TBC1D22A: variants seen among roughly 807,000 people sequenced by gnomAD.
The protein encoded by TBC1D22A is putative GTPase activator.
In TBC1D22A, 38 loss-of-function variants were observed where a neutral mutation model predicts 60.2. The observed-to-expected ratio is 0.63, with a 90% CI of 0.49 to 0.83. TBC1D22A has a LOEUF of 0.83. TBC1D22A is among the 40% of genes least tolerant of loss of function. The pLI, the probability that TBC1D22A is intolerant of heterozygous loss-of-function variation, is 0.00. For synonymous variants in TBC1D22A, 302 were observed against 281.7 expected, an observed-to-expected ratio of 1.07 and a Z score of -0.72; for missense variants, 628 against 701.0, an observed-to-expected ratio of 0.90 and a Z score of 1.18.
At chr22:46,843,965 G>A (rs2086884439) in intron 4 of TBC1D22A, among the ~76,000 whole-genome samples, 1 of 151,820 alleles carries the variant, frequency 6.6e-6, no homozygotes, top group Admixed American at 6.6e-5. Context: ...ATTTGGGATG[G>A]GGTCAGGACA....
chr22:46,931,723 T>G (rs752382062), intron 8 of TBC1D22A, among the ~76,000 whole-genome samples: 16 of 152,222 alleles, frequency 1.1e-4, no homozygotes, highest in Non-Finnish European at 1.9e-4. Flanking sequence ...AGAAATTTCA[T>G]GGACTCTCTT....
intron 8 of TBC1D22A, among the ~76,000 whole-genome samples, chr22:46,973,488 A>G (rs2074161712): frequency 6.6e-6 from 1 of 152,184 alleles, no homozygotes; most frequent in South Asian, 2.1e-4. Context: ...ACCTTTCTAC[A>G]TATATTCTGG....
At chr22:46,815,606 G>C (rs1226125633) in intron 4 of TBC1D22A, among the ~76,000 whole-genome samples, 1 of 152,196 alleles carries the variant, frequency 6.6e-6, no homozygotes, top group Non-Finnish European at 1.5e-5. Context: ...CATGAATTCA[G>C]TCATTTGCTC....
chr22:46,798,845 G>A (rs890797164), intron 4 of TBC1D22A, among the ~76,000 whole-genome samples: 2 of 152,228 alleles, frequency 1.3e-5, no homozygotes, highest in Non-Finnish European at 2.9e-5. Context: ...GGCCATATAG[G>A]AGCTTGCAGC....
chr22:46,866,371 C>G (rs751370175), intron 4 of TBC1D22A, among the ~76,000 whole-genome samples: 32 of 152,290 alleles, frequency 2.1e-4, no homozygotes, highest in South Asian at 1.5e-3. Context: ...TCCCAAAGTG[C>G]TGGGATTACA....
At chr22:47,071,120 A>G (rs8135774) in intron 11 of TBC1D22A, among the ~76,000 whole-genome samples, 28,195 of 152,258 alleles carry the variant, frequency 0.19, 3,215 homozygotes, top group African/African-American at 0.32. Context: ...CTTTTTAATG[A>G]GCAACTGAAA....
chr22:46,881,816 C>A (rs1039003550), intron 5 of TBC1D22A, among the ~76,000 whole-genome samples: 1 of 152,224 alleles, frequency 6.6e-6, no homozygotes, highest in African/African-American at 2.4e-5. Context: ...ATTTGCCATG[C>A]TCCATGCCCT....
chr22:47,074,962 G>A (rs1211971198), intron 11 of TBC1D22A, among the ~76,000 whole-genome samples: 4 of 152,208 alleles, frequency 2.6e-5, no homozygotes, highest in African/African-American at 7.2e-5. Context: ...GGTGGCTCAC[G>A]CCTGTAATCC....
chr22:46,796,519 G>C (rs1356383152), intron 3 of TBC1D22A, among the ~76,000 whole-genome samples: 4 of 152,066 alleles, frequency 2.6e-5, no homozygotes, highest in Admixed American at 6.6e-5. Context: ...AAATGAGATA[G>C]CTAGACAGGA....
rs1569353323 is a variant in TBC1D22A at position 47,026,489 on chromosome 22, GATC to G, written c.1202-10578_1202-10576del. The stretch of plus-strand genomic sequence containing the variant: ...AACTCTCTGCTTTTGCAGACAACAT[GATC>G]ATCTTTTTTGAAAGTCTGATGGCAT... On this transcript the variant is annotated intron_variant, in intron 10 of 12. Coordinates refer to ENST00000337137, the MANE Select transcript of TBC1D22A (RefSeq NM_014346.5). Among the ~76,000 whole-genome samples the G allele has an allele frequency of 2.0e-5, 3 of 152,150 alleles. No individual in the cohort carries two copies. The South Asian group carries it at 6.2e-4, about 32-fold the overall frequency.
chr22:47,055,517 C>A (rs1221091194), intron 11 of TBC1D22A, among the ~76,000 whole-genome samples: 1 of 152,184 alleles, frequency 6.6e-6, no homozygotes, highest in Non-Finnish European at 1.5e-5. Flanking sequence ...TTGTGATATA[C>A]AGCAAAGATC....
At chr22:46,906,908 A>T (rs11704786) in intron 7 of TBC1D22A, among the ~76,000 whole-genome samples, 10 of 151,586 alleles carry the variant, frequency 6.6e-5, no homozygotes, top group Admixed American at 6.6e-4. Flanking sequence ...ATATGTGCGC[A>T]TGTGCTTTTC....
At chr22:46,767,372 C>T (rs1474179085) in intron 1 of TBC1D22A, among the ~76,000 whole-genome samples, 5 of 152,196 alleles carry the variant, frequency 3.3e-5, no homozygotes, top group Non-Finnish European at 7.3e-5. Context: ...ATATCTTTGG[C>T]TTAGCACGAT....
chr22:46,941,722 G>A (rs1052739808), intron 8 of TBC1D22A, among the ~76,000 whole-genome samples: 6 of 119,414 alleles, frequency 5.0e-5, no homozygotes, highest in Admixed American at 1.8e-4. Context: ...ATATATACGC[G>A]GAATGTATAT....
intron 10 of TBC1D22A, among the ~76,000 whole-genome samples, chr22:47,029,556 G>A (rs1444744416): frequency 6.6e-6 from 1 of 152,168 alleles, no homozygotes; most frequent in Non-Finnish European, 1.5e-5. Flanking sequence ...GCCTTAATGT[G>A]CTCTCTGGTG....
intron 4 of TBC1D22A, among the ~76,000 whole-genome samples, chr22:46,837,463 G>T (rs1808934929): frequency 6.6e-6 from 1 of 152,082 alleles, no homozygotes; most frequent in Non-Finnish European, 1.5e-5. Flanking sequence ...CAAGTCATAA[G>T]GAGCATTCTC....
intron 11 of TBC1D22A, among the ~76,000 whole-genome samples, chr22:47,076,037 G>A (rs1885107072): frequency 6.6e-6 from 1 of 152,084 alleles, no homozygotes; most frequent in Non-Finnish European, 1.5e-5. Context: ...TGGCCTTACG[G>A]TATATTAGGT....
At chr22:46,978,183 A>G (rs1471104121) in intron 9 of TBC1D22A, among the ~76,000 whole-genome samples, 1 of 152,230 alleles carries the variant, frequency 6.6e-6, no homozygotes, top group Non-Finnish European at 1.5e-5. Flanking sequence ...GAGCAGGGAC[A>G]CGGGCTCTGC....
intron 11 of TBC1D22A, among the ~76,000 whole-genome samples, chr22:47,064,039 T>TG (rs1427560722): frequency 6.6e-6 from 1 of 150,874 alleles, no homozygotes; most frequent in Non-Finnish European, 1.5e-5. Flanking sequence ...TACTCCAGTG[T>TG]GGCCTCCTCT....
Sources: allele counts gnomAD v4.1 joint callset (sites outside exome capture counted in the v4.1 genomes callset), GRCh38; gene constraint gnomAD v4.1.1; transcripts MANE v1.5; gene names NCBI Gene and HGNC (gene_info 2026-07-23, HGNC 2026-07-21).